The following KLK7 variants were observed in gnomAD, a reference collection of about 807,000 sequenced individuals.
The protein encoded by KLK7 is kallikrein related peptidase 7.
In KLK7, 17 loss-of-function variants were observed where a neutral mutation model predicts 21.0. The observed-to-expected ratio is 0.81, with a 90% CI of 0.55 to 1.21. The LOEUF (loss-of-function observed/expected upper bound fraction) is 1.21, where lower values mean the gene tolerates loss of function less well. Among genes scored for constraint, KLK7 ranks in the 50% most tolerant of loss-of-function variants. KLK7 has a pLI of 0.00. For missense variants in KLK7, 330 were observed against 322.8 expected (o/e 1.02, Z -0.17); for synonymous variants, 151 against 134.6 (o/e 1.12, Z -0.85).
intron 5 of KLK7, among the ~76,000 whole-genome samples, chr19:50,979,537 C>A (rs572316836): frequency 6.6e-6 from 1 of 152,330 alleles, no homozygotes; most frequent in East Asian, 1.9e-4. Context: ...ACCTCAGTCT[C>A]CTTCCCTGGT....
At chr19:50,982,204 C>T (rs564696762) in intron 2 of KLK7, 123 bp downstream of exon 2, 25 of 1,316,794 alleles carry the variant, frequency 1.9e-5, no homozygotes, top group Middle Eastern at 4.5e-4. Flanking sequence ...GGGCTTCAGC[C>T]GACAGTCTGG....
chr19:50,982,474 A>AT lies in KLK7; in HGVS notation c.-58-18dup. On this transcript the variant is annotated splice_polypyrimidine_tract_variant and intron_variant, in intron 1 of 5. Coordinates refer to ENST00000595820, the MANE Select transcript of KLK7 (RefSeq NM_005046.4). The stretch of plus-strand genomic sequence containing the variant: ...CTGCTGGAGCTGAGAAGGAGAAAGC[A>AT]TTCAGGCCCAGCCCCTCCCCACTCA... 6.5e-7 allele frequency: 1 copy of AT among 1,541,824 alleles called. No individual in the cohort carries two copies. The highest frequency in any genetic ancestry group is 1.2e-5 in the South Asian group (1 of 83,478).
At chr19:50,984,043 C>A, upstream of KLK7, 13 of 652,356 alleles carry the variant, frequency 2.0e-5, no homozygotes, top group Non-Finnish European at 3.1e-5. Context: ...TTATCTGGAA[C>A]CCTGACGCAG....
In KLK7 at chr19:50,983,674, C is replaced by T. The variant is rs996103145; in HGVS notation, c.-59+177G>A. ...CTTGCCCTTCCCTGTGGAACCCAAA[C>T]TTCTGACTCTGTAGTTCGTTTTTCC... On this transcript the variant is annotated intron_variant, in intron 1 of 5. Transcript: ENST00000595820. 4 of 942,746 alleles carry T rather than the reference C, an allele frequency of 4.2e-6. No homozygotes were observed. The African/African-American group carries it at 6.9e-5, about 16-fold the overall frequency. The allele number at this position is 942,746 out of a possible 1,614,324, so 58.4% of individuals were successfully genotyped here. A position where few individuals can be genotyped will look rare whatever the true frequency, so the allele number is the denominator to read the frequency against.
chr19:50,977,802 T>C lies in KLK7; in HGVS notation c.607-111A>G, dbSNP rs1188799533. 7 of 1,089,096 alleles carry C rather than the reference T, an allele frequency of 6.4e-6. No individual in the cohort carries two copies. The Admixed American group carries it at 8.6e-5, about 13-fold the overall frequency. The allele number at this position is 1,089,096 out of a possible 1,614,324, so 67.5% of individuals were successfully genotyped here. A position where few individuals can be genotyped will look rare whatever the true frequency, so the allele number is the denominator to read the frequency against. ...TCTTGCAGATTATGGACTTCCACCA[T>C]AGCCAATGAGAAGAGACTCATTGTC... On this transcript the variant is annotated intron_variant, in intron 5 of 5. Coordinates refer to ENST00000595820, the MANE Select transcript of KLK7 (RefSeq NM_005046.4).
At chr19:50,978,583 G>T (rs2091053181) in intron 5 of KLK7, among the ~76,000 whole-genome samples, 2 of 127,720 alleles carry the variant, frequency 1.6e-5, no homozygotes, top group Admixed American at 8.6e-5. Flanking sequence ...GATGGGGGTG[G>T]AGAAGAAAGA....
chr19:50,979,774 G>T lies in KLK7; in HGVS notation c.606+14C>A. The stretch of plus-strand genomic sequence containing the variant: ...TACCCAGGACTGGGGAGGAATTGGG[G>T]GGGAGGGTCTCACATTGCAGGCGTT... On this transcript the variant is annotated intron_variant, in intron 5 of 5. Transcript: ENST00000595820. The T allele has an allele frequency of 6.4e-7, 1 of 1,563,274 alleles. No individual in the cohort carries two copies. The highest frequency in any genetic ancestry group is 1.2e-5 in the South Asian group (1 of 84,896).
At chr19:50,983,112 T>TG (rs2091103779) in intron 1 of KLK7, among the ~76,000 whole-genome samples, 1 of 61,292 alleles carries the variant, frequency 1.6e-5, no homozygotes, top group African/African-American at 7.4e-5. Flanking sequence ...CCCCAGCTCC[T>TG]CCTCCCTCAG....
rs79158434 is a variant in KLK7, at chr19:50,977,098, T to C, written c.*438A>G. 9.0e-5 allele frequency: 14 copies of C among 155,978 alleles called. No homozygotes were observed. The highest frequency in any genetic ancestry group is 1.8e-4 in the Non-Finnish European group (13 of 70,456). 9.7% of individuals were successfully genotyped at this position (155,978 alleles called of 1,614,324 possible). ...CTATTATTTAAGCCATCTGGTACTT[T>C]TGGAACATGTTTGATGGTTTCACTT... On this transcript the variant is annotated 3_prime_UTR_variant, in exon 6 of 6. Transcript: ENST00000595820.
intron 4 of KLK7, 104 bp from the exon 5 acceptor site, chr19:50,980,028 C>T: frequency 7.0e-7 from 1 of 1,435,188 alleles, no homozygotes; most frequent in South Asian, 1.4e-5. Flanking sequence ...GGTCTGGGGC[C>T]CAGGACTGCT....
intron 4 of KLK7, 135 bp from the exon 5 acceptor site, chr19:50,980,059 TG>T: frequency 2.7e-6 from 3 of 1,103,898 alleles, no homozygotes; most frequent in Non-Finnish European, 3.7e-6. Flanking sequence ...GAGGAGGGGC[TG>T]GGGTCTGGAC....
intron 4 of KLK7, 25 bp from the exon 5 acceptor site, chr19:50,979,949 G>A: frequency 6.3e-7 from 1 of 1,585,094 alleles, no homozygotes; most frequent in Non-Finnish European, 8.6e-7. Flanking sequence ...AGGGAGAGCT[G>A]TCAGTCAGAG....
intron 2 of KLK7, 65 bp from the exon 3 acceptor site, chr19:50,981,979 A>T: frequency 6.6e-7 from 1 of 1,513,150 alleles, no homozygotes; most frequent in South Asian, 1.2e-5. Context: ...GCTGCACCTC[A>T]GGGATTCCCA....
intron 5 of KLK7, among the ~76,000 whole-genome samples, chr19:50,978,787 C>A (rs2091055283): frequency 2.8e-5 from 3 of 107,936 alleles, no homozygotes; most frequent in Admixed American, 1.2e-4. Context: ...AAGGAGGGGG[C>A]AAGGAGAGAT....
intron 3 of KLK7, among the ~76,000 whole-genome samples, chr19:50,981,310 G>T (rs1484154045): frequency 2.8e-5 from 4 of 141,504 alleles, no homozygotes; most frequent in Non-Finnish European, 1.5e-5. Context: ...GAGAGAAGGG[G>T]ACAGAGACAC....
chr19:50,982,360 G>C lies in KLK7; in HGVS notation c.40C>G (p.Leu14Val), dbSNP rs1468087762. The change falls in exon 2 of 6, where the codon CTA (leucine) becomes GTA (valine). Residue 14 changes from leucine to valine, a missense_variant. Transcript: ENST00000595820. ...CCTGCAGTTTCCAAGGCTAAGGATA[G>C]CAGTAAGATCTGCAGGGGCAGGAGA... ...SLLLPLQILL[L>V]SLALETAGEE... 3 of 1,611,214 alleles carry C rather than the reference G, an allele frequency of 1.9e-6. No individual in the cohort carries two copies. Among genetic ancestry groups the C allele is most frequent in the Non-Finnish European group, 2.5e-6 (3 of 1,178,918 alleles).
rs745958496 is a variant in KLK7 at position 50,977,311 on chromosome 19, G to C, written c.*225C>G. On this transcript the variant is annotated 3_prime_UTR_variant, in exon 6 of 6. Coordinates refer to ENST00000595820, the MANE Select transcript of KLK7 (RefSeq NM_005046.4). Reference sequence around the variant, plus strand: ...GAACGTCCAGTTCCAGTGTTTGAGAGTGCTGGTCTCACTGACTCTTCTCCA... The same window carrying C: ...GAACGTCCAGTTCCAGTGTTTGAGACTGCTGGTCTCACTGACTCTTCTCCA... The C allele has an allele frequency of 3.6e-6, 2 of 548,498 alleles. No homozygotes were observed. Among genetic ancestry groups the C allele is most frequent in the Non-Finnish European group, 6.5e-6 (2 of 307,384 alleles). The allele number at this position is 548,498 out of a possible 1,614,324, so 34.0% of individuals were successfully genotyped here.
rs1207872352 is a variant in KLK7 at position 50,980,474 on chromosome 19, G to T, written c.235C>A (p.His79Asn). The change falls in exon 4 of 6, where the codon CAC (histidine) becomes AAC (asparagine). Residue 79 changes from histidine to asparagine, a missense_variant. Transcript: ENST00000595820. ...TCGCCCAGCGTATCACTGCCCAGGT[G>T]CACGGTGTACTCACTGCGAGGAGTG... ...AHCKMNEYTV[H>N]LGSDTLGDRR... 3 of 1,613,884 alleles carry T rather than the reference G, an allele frequency of 1.9e-6. No individual in the cohort carries two copies. Among genetic ancestry groups the T allele is most frequent in the Non-Finnish European group, 2.5e-6 (3 of 1,179,878 alleles).
At chr19:50,983,244 GGCCCCAGCCCCTCCTCCCTC>G (rs2091104874) in intron 1 of KLK7, among the ~76,000 whole-genome samples, 1 of 68,840 alleles carries the variant, frequency 1.5e-5, no homozygotes, top group Admixed American at 1.3e-4. Flanking sequence ...CAGGAGTCCA[GGCCCCAGCCCCTCCTCCCTC>G]AGACCCAGGA....
Sources: allele counts gnomAD v4.1 joint callset (sites outside exome capture counted in the v4.1 genomes callset), GRCh38; gene constraint gnomAD v4.1.1; transcripts MANE v1.5; gene names NCBI Gene and HGNC (gene_info 2026-07-23, HGNC 2026-07-21).